Variants in GRIP1 observed in about 807,000 individuals in gnomAD.
GRIP1 encodes the protein glutamate receptor interacting protein 1.
Under a neutral mutation model 129.9 loss-of-function variants are expected in GRIP1, and 45 were observed. The ratio of observed to expected loss-of-function variants is 0.35; its 90% CI spans 0.27 to 0.44. GRIP1 has a LOEUF of 0.44. GRIP1 is among the 20% of genes least tolerant of loss of function. The pLI is 1.00. For missense variants in GRIP1, 1,196 were observed against 1,396.8 expected (o/e 0.86, Z 2.29); for synonymous variants, 530 against 520.8 (o/e 1.02, Z -0.24).
intron 6 of GRIP1, 53 bp downstream of exon 6, chr12:66,517,848 C>G (rs2060891112): frequency 3.2e-6 from 3 of 928,948 alleles, no homozygotes; most frequent in African/African-American, 3.2e-5. Context: ...ATGTTAAAGT[C>G]CCCAGCTTTA....
intron 1 of GRIP1, among the ~76,000 whole-genome samples, chr12:66,717,539 C>G (rs2035929311): frequency 6.6e-6 from 1 of 152,128 alleles, no homozygotes; most frequent in Non-Finnish European, 1.5e-5. Context: ...AAAATGATAA[C>G]TAATCTTGTC....
At chr12:66,656,367 G>T (rs1717490319) in intron 1 of GRIP1, among the ~76,000 whole-genome samples, 1 of 151,924 alleles carries the variant, frequency 6.6e-6, no homozygotes. Context: ...ACAGATCCTG[G>T]GCTTTATTGC....
chr12:66,579,915 AG>A (rs1016865977), intron 2 of GRIP1, among the ~76,000 whole-genome samples: 10 of 149,092 alleles, frequency 6.7e-5, no homozygotes, highest in African/African-American at 9.9e-5. Flanking sequence ...AACACCACAA[AG>A]ATACTCCTCG....
At chr12:66,358,793 C>G (rs190682955) in intron 23 of GRIP1, among the ~76,000 whole-genome samples, 1 of 152,210 alleles carries the variant, frequency 6.6e-6, no homozygotes, top group East Asian at 1.9e-4. Flanking sequence ...ATGCTGCTTT[C>G]TCAAAGGGAT....
chr12:66,661,790 T>C (rs185890415), intron 1 of GRIP1, among the ~76,000 whole-genome samples: 8 of 152,270 alleles, frequency 5.3e-5, no homozygotes, highest in Non-Finnish European at 1.2e-4. Flanking sequence ...ATTCTATTTC[T>C]ATAGTTATCA....
At chr12:66,957,192 GA>G in intron 1 of GRIP1, among the ~76,000 whole-genome samples, 1 of 152,164 alleles carries the variant, frequency 6.6e-6, no homozygotes, top group African/African-American at 2.4e-5. Context: ...TATCAATACA[GA>G]TACATATGGG....
intron 1 of GRIP1, among the ~76,000 whole-genome samples, chr12:66,765,653 AC>A (rs1384657520): frequency 2.0e-5 from 3 of 152,174 alleles, no homozygotes; most frequent in Non-Finnish European, 4.4e-5. Flanking sequence ...CCACTGTGGA[AC>A]ATGCTGACTT....
At chr12:67,038,731 C>T (rs2043134042) in intron 1 of GRIP1, among the ~76,000 whole-genome samples, 1 of 152,180 alleles carries the variant, frequency 6.6e-6, no homozygotes, top group Non-Finnish European at 1.5e-5. Flanking sequence ...CAGGCATCTG[C>T]CCATTCCATC....
intron 2 of GRIP1, among the ~76,000 whole-genome samples, chr12:66,579,455 C>T (rs909314604): frequency 6.6e-6 from 1 of 152,016 alleles, no homozygotes; most frequent in Admixed American, 6.6e-5. Flanking sequence ...GACGATCAAA[C>T]TACGAGCTAC....
chr12:66,688,712 C>T (rs537161279), intron 1 of GRIP1, among the ~76,000 whole-genome samples: 3 of 150,086 alleles, frequency 2.0e-5, no homozygotes, highest in East Asian at 3.9e-4. Flanking sequence ...ATAAAAATGA[C>T]ATTAAAGTGC....
At position 66,376,924 on chromosome 12, in the gene GRIP1, A is replaced by G; in HGVS notation, c.2778+93T>C. ...GGGTGGAGATGGGGATATACTTTTGACTGCATTGTATAAAATCAAATTGCT... is the reference window on the plus strand; with the variant it reads ...GGGTGGAGATGGGGATATACTTTTGGCTGCATTGTATAAAATCAAATTGCT... On this transcript the variant is annotated intron_variant, in intron 22 of 24. Transcript: ENST00000359742. 5.7e-6 allele frequency: 5 copies of G among 878,898 alleles called. No individual in the cohort carries two copies. The South Asian group carries it at 6.5e-5, about 12-fold the overall frequency. The allele number at this position is 878,898 out of a possible 1,614,324, so 54.4% of individuals were successfully genotyped here. A position where few individuals can be genotyped will look rare whatever the true frequency, so the allele number is the denominator to read the frequency against.
intron 1 of GRIP1, among the ~76,000 whole-genome samples, chr12:67,003,745 T>A (rs1592454078): frequency 6.6e-6 from 1 of 151,704 alleles, no homozygotes; most frequent in Non-Finnish European, 1.5e-5. Context: ...AATAAAAAAA[T>A]TCCTACCATT....
intron 1 of GRIP1, among the ~76,000 whole-genome samples, chr12:66,778,256 C>T (rs2038050517): frequency 6.6e-6 from 1 of 151,738 alleles, no homozygotes; most frequent in Non-Finnish European, 1.5e-5. Context: ...ACGATCTCTC[C>T]AAAAAGAAAT....
intron 1 of GRIP1, among the ~76,000 whole-genome samples, chr12:66,993,917 G>A (rs943486233): frequency 1.3e-5 from 2 of 151,896 alleles, no homozygotes; most frequent in Non-Finnish European, 2.9e-5. Context: ...TAGATTAAAT[G>A]GACAAATTCT....
rs77242442 is a variant in GRIP1 at position 66,464,390 on chromosome 12, G to T, written c.872+885C>A. 2.3e-3 allele frequency among the ~76,000 whole-genome samples: 354 copies of T among 152,200 alleles called. 8 individuals carry two copies. In the East Asian group the frequency reaches 0.058, roughly 25 times the overall value. On this transcript the variant is annotated intron_variant, in intron 8 of 24. Coordinates refer to ENST00000359742, the MANE Select transcript of GRIP1 (RefSeq NM_001366722.1). Reference sequence around the variant, plus strand: ...TTTTTATTGTGGCATTGAAGCGAATGATGTTTTAAGACACCCTCGAAGGTT... The same window carrying T: ...TTTTTATTGTGGCATTGAAGCGAATTATGTTTTAAGACACCCTCGAAGGTT...
intron 1 of GRIP1, among the ~76,000 whole-genome samples, chr12:66,697,410 C>G (rs1279134328): frequency 1.3e-5 from 2 of 152,130 alleles, no homozygotes; most frequent in Non-Finnish European, 2.9e-5. Flanking sequence ...TTATGAGCTT[C>G]TTGCAGAAAC....
At chr12:66,968,642 C>A (rs1245872817) in intron 1 of GRIP1, among the ~76,000 whole-genome samples, 4 of 152,072 alleles carry the variant, frequency 2.6e-5, no homozygotes, top group African/African-American at 9.7e-5. Flanking sequence ...AAAGTATTTC[C>A]AATTCCTCCC....
chr12:66,939,285 T>C (rs1266619314), intron 1 of GRIP1, among the ~76,000 whole-genome samples: 1 of 152,116 alleles, frequency 6.6e-6, no homozygotes, highest in Non-Finnish European at 1.5e-5. Flanking sequence ...AGTTCAGGGC[T>C]GCAGTGAGCT....
Position 67,056,581 on chromosome 12 carries a change from T to C in GRIP1, c.58+12469A>G, listed in dbSNP as rs142184019. ...TCATACAGTGTCACCTCCAGCATTT[T>C]CTACCTGTTAATCAGCCACAAGCCT... On this transcript the variant is annotated intron_variant, in intron 1 of 1. Coordinates refer to the GRIP1 transcript ENST00000643019. Among the ~76,000 whole-genome samples, 638 of 152,234 alleles carry C rather than the reference T, an allele frequency of 4.2e-3. 2 individuals are homozygous for C. Among genetic ancestry groups the C allele is most frequent in the African/African-American group, 0.014 (599 of 41,522 alleles).
Sources: gnomAD v4.1 joint callset for allele counts (sites outside exome capture counted in the v4.1 genomes callset) on GRCh38, gnomAD v4.1.1 for gene constraint, MANE v1.5 for transcripts, NCBI Gene and HGNC (gene_info 2026-07-23, HGNC 2026-07-21) for gene names.